The following CUBN variants were observed in gnomAD, a reference collection of about 807,000 sequenced individuals.
CUBN encodes cubilin.
Under a neutral mutation model 405.3 loss-of-function variants are expected in CUBN, and 282 were observed. That is an observed-to-expected ratio of 0.70 (90% CI 0.63 to 0.77). The LOEUF (loss-of-function observed/expected upper bound fraction) is 0.77. Ranked by LOEUF, CUBN falls within the 30% of genes least tolerant of loss-of-function variation. CUBN has a pLI of 0.00. For missense variants in CUBN, 4,514 were observed against 4,475.2 expected, an observed-to-expected ratio of 1.01 and a Z score of -0.25; for synonymous variants, 1,684 against 1,617.0, an observed-to-expected ratio of 1.04 and a Z score of -0.99.
chr10:17,125,942 C>CA (rs750359807), intron 4 of CUBN, among the ~76,000 whole-genome samples: 3 of 152,146 alleles, frequency 2.0e-5, no homozygotes, highest in African/African-American at 4.8e-5. Flanking sequence ...CATCAAATGA[C>CA]AAAAAGGTTT....
In CUBN at chr10:17,085,772, G is replaced by A. The variant is rs762686223; in HGVS notation, c.1948-13C>T. The A allele has an allele frequency of 1.9e-6, 3 of 1,613,170 alleles. No homozygotes were observed. The highest frequency in any genetic ancestry group is 1.3e-5 in the African/African-American group (1 of 75,010). The stretch of plus-strand genomic sequence containing the variant: ...GACCATCTCGAATCTAAAACAAAAG[G>A]ATGAATCATTAAGCTCAAAGTGGTC... On this transcript the variant is annotated splice_polypyrimidine_tract_variant and intron_variant, in intron 15 of 66. Coordinates refer to ENST00000377833, the MANE Select transcript of CUBN (RefSeq NM_001081.4).
In CUBN at chr10:16,884,564, G is replaced by A. The variant is rs570020288; in HGVS notation, c.8905+3853C>T. On this transcript the variant is annotated intron_variant, in intron 56 of 66. Transcript: ENST00000377833. ...TGTAGTTCATGGAATGTCTAGTACT[G>A]GAAATGTAAAAGTAATGAGAAAGTT... is the stretch of plus-strand genomic sequence containing the variant. Among the ~76,000 whole-genome samples the A allele has an allele frequency of 2.6e-5, 4 of 152,196 alleles. No individual in the cohort carries two copies. In the South Asian group the frequency reaches 8.3e-4, roughly 32 times the overall value.
rs755138050 is a variant in CUBN at position 16,915,776 on chromosome 10, A to C, written c.7210+45T>G. 7 of 1,490,442 alleles carry C rather than the reference A, an allele frequency of 4.7e-6. No homozygotes were observed. In the African/African-American group the frequency reaches 5.5e-5, roughly 12 times the overall value. The allele number at this position is 1,490,442 out of a possible 1,614,324, so 92.3% of individuals were successfully genotyped here. ...GAAACTTCAGAGGCTGAATAAGTAC[A>C]TGTGAAAATAAACACCCAAAAGAGA... is the stretch of plus-strand genomic sequence containing the variant. On this transcript the variant is annotated intron_variant, in intron 46 of 66. Coordinates refer to ENST00000377833, the MANE Select transcript of CUBN (RefSeq NM_001081.4).
At chr10:16,837,941 TG>T (rs1453745577) in intron 62 of CUBN, among the ~76,000 whole-genome samples, 1 of 152,098 alleles carries the variant, frequency 6.6e-6, no homozygotes, top group Non-Finnish European at 1.5e-5. Context: ...CCCCGCTGAG[TG>T]GTCCACCCTG....
rs1466259258 is a variant in CUBN, at chr10:16,915,860, C to T, written c.7171G>A (p.Glu2391Lys). The change falls in exon 46 of 67, where the codon GAA becomes AAA. Residue 2391 changes from glutamate to lysine, a missense_variant. Coordinates refer to ENST00000377833, the MANE Select transcript of CUBN (RefSeq NM_001081.4). ...TCCCAGATCTCCACGAAGTCTTTTT[C>T]ACAGCCAGAAGAATTCTGAAGGTTA... ...DFNLQNSSGC[E>K]KDFVEIWDNH... The T allele has an allele frequency of 4.3e-6, 7 of 1,613,816 alleles. No homozygotes were observed. In the African/African-American group the frequency reaches 9.3e-5, roughly 22 times the overall value.
Position 16,900,279 on chromosome 10 carries a change from T to C in CUBN, c.8410+346A>G, listed in dbSNP as rs868395435. Among the ~76,000 whole-genome samples, 14 of 152,258 alleles carry C rather than the reference T, an allele frequency of 9.2e-5. No homozygotes were observed. In the Middle Eastern group the frequency reaches 0.01, roughly 111 times the overall value. The stretch of plus-strand genomic sequence containing the variant: ...GATTCCAACTCATGTTTCTATTACT[T>C]GAGATTCCCAGGTTGTGCCATACCC... On this transcript the variant is annotated intron_variant, in intron 53 of 66. Transcript: ENST00000377833.
At position 17,118,499 on chromosome 10, in the gene CUBN, C is replaced by A. The variant is rs546568108; in HGVS notation, c.594-2902G>T. Among the ~76,000 whole-genome samples the A allele has an allele frequency of 2.0e-5, 3 of 152,156 alleles. No individual in the cohort carries two copies. In the East Asian group the frequency reaches 5.8e-4, roughly 29 times the overall value. ...TGTGCCCAGGCGGAGTGCAGTGGTG[C>A]GATCTCGGCTCACTGCAACATCTGC... On this transcript the variant is annotated intron_variant, in intron 6 of 66. Coordinates refer to ENST00000377833, the MANE Select transcript of CUBN (RefSeq NM_001081.4).
chr10:16,933,869 T>C (rs1417699608), intron 39 of CUBN, among the ~76,000 whole-genome samples: 1 of 152,232 alleles, frequency 6.6e-6, no homozygotes, highest in Non-Finnish European at 1.5e-5. Flanking sequence ...CTGGTGTCAC[T>C]GCCTTGCACG....
intron 31 of CUBN, among the ~76,000 whole-genome samples, chr10:16,978,395 C>T (rs1215078963): frequency 3.9e-5 from 6 of 152,190 alleles, no homozygotes; most frequent in Non-Finnish European, 5.9e-5. Context: ...TCCAAAATTT[C>T]AAAATGGTCT....
chr10:16,960,501 C>G (rs923583447), intron 31 of CUBN, among the ~76,000 whole-genome samples: 1 of 151,952 alleles, frequency 6.6e-6, no homozygotes. Context: ...CAAAACAAAA[C>G]AAACAAAAAA....
chr10:16,990,544 C>T, intron 28 of CUBN, 29 bp from the exon 29 acceptor site: 1 of 1,609,370 alleles, frequency 6.2e-7, no homozygotes, highest in South Asian at 1.1e-5. Flanking sequence ...TCAGTCAGTT[C>T]AAAGTGGGCA....
intron 31 of CUBN, among the ~76,000 whole-genome samples, chr10:16,964,016 C>T (rs1446505869): frequency 6.6e-6 from 1 of 152,164 alleles, no homozygotes; most frequent in Non-Finnish European, 1.5e-5. Context: ...GTGTCTTGAA[C>T]AGTTCATTTC....
At position 16,982,596 on chromosome 10, in the gene CUBN, C is replaced by T; in HGVS notation, c.4583G>A (p.Ser1528Asn). ...ACAGTCTGTGTTGCTCCTATAAGGA[C>T]TGGGGTAATTTGGAGAATGAATCTC... ...SGEIHSPNYPSPYRSNTDCSW... is the reference protein window; with the variant it reads ...SGEIHSPNYPNPYRSNTDCSW... Residue 1528 changes from serine (S) to asparagine (N), a missense_variant, in exon 31 of 67, where the codon AGT becomes AAT. By Grantham distance (46) the Ser-to-Asn change is conservative (BLOSUM62 1). Around this residue, in one of 5 missense-constraint regions of CUBN, gnomAD observed 1,613 missense variants for 1,542.8 expected, o/e 1.05. Coordinates refer to ENST00000377833, the MANE Select transcript of CUBN (RefSeq NM_001081.4). The T allele has an allele frequency of 6.2e-7, 1 of 1,613,676 alleles. No individual in the cohort carries two copies. The highest frequency in any genetic ancestry group is 1.6e-4 in the Middle Eastern group (1 of 6,062).
At chr10:16,892,675 G>T (rs1841069937) in intron 54 of CUBN, among the ~76,000 whole-genome samples, 1 of 151,726 alleles carries the variant, frequency 6.6e-6, no homozygotes, top group African/African-American at 2.4e-5. Context: ...GTATTTTTTT[G>T]CAGAGATGGG....
chr10:16,928,281 C>G lies in CUBN; in HGVS notation c.6147G>C (p.Gln2049His), dbSNP rs1456183412. ...TCTCTCTGCCACAGAGAACTGCTAG[C>G]TGCTGGGCCAAGTTATTATCTCCTA... is the stretch of plus-strand genomic sequence containing the variant. ...IRDGDNNLAQQLAVLCGREIP... is the reference protein window; with the variant it reads ...IRDGDNNLAQHLAVLCGREIP... The change falls in exon 41 of 67, where the codon CAG becomes CAC. Residue 2049 changes from glutamine (Q) to histidine (H), a missense_variant. Gln to His is a conservative substitution (Grantham distance 24, BLOSUM62 0). Coordinates refer to ENST00000377833, the MANE Select transcript of CUBN (RefSeq NM_001081.4). The G allele has an allele frequency of 8.7e-6, 14 of 1,613,804 alleles. No homozygotes were observed. The highest frequency in any genetic ancestry group is 1.0e-5 in the Non-Finnish European group (12 of 1,179,920).
In CUBN at chr10:16,876,877, CTG is replaced by C; in HGVS notation, c.9106+18_9106+19del. 7 of 1,606,504 alleles carry C rather than the reference CTG, an allele frequency of 4.4e-6. No homozygotes were observed. The highest frequency in any genetic ancestry group is 3.3e-4 in the Middle Eastern group (2 of 6,054). On this transcript the variant is annotated intron_variant, in intron 57 of 66. Transcript: ENST00000377833. ...TCAGAAAAGAAGAAAATTCCAAACTCTGTCATTATGGCTACTCACAGATTATC... is the reference window on the plus strand; with the variant it reads ...TCAGAAAAGAAGAAAATTCCAAACTCTCATTATGGCTACTCACAGATTATC...
At chr10:16,964,318 G>C (rs7071215) in intron 31 of CUBN, among the ~76,000 whole-genome samples, 85,832 of 152,042 alleles carry the variant, frequency 0.56, 24,805 homozygotes, top group Non-Finnish European at 0.65. Flanking sequence ...TAATAATAAA[G>C]CGTGGCTAAC....
In CUBN at chr10:16,933,289, A is replaced by G; in HGVS notation, c.5927-5T>C. The G allele has an allele frequency of 6.2e-7, 1 of 1,612,958 alleles. No homozygotes were observed. Among genetic ancestry groups the G allele is most frequent in the African/African-American group, 1.3e-5 (1 of 75,024 alleles). ...TCAGGAAGCCACCACAAGCACCTGT[A>G]GAATAGAAAGCAACATCTTTGACAC... On this transcript the variant is annotated splice_region_variant and splice_polypyrimidine_tract_variant and intron_variant, in intron 39 of 66. Coordinates refer to ENST00000377833, the MANE Select transcript of CUBN (RefSeq NM_001081.4).
intron 22 of CUBN, among the ~76,000 whole-genome samples, chr10:17,057,466 C>A (rs1835420602): frequency 1.3e-5 from 2 of 152,094 alleles, no homozygotes; most frequent in African/African-American, 4.8e-5. Context: ...GGAGCCCCAA[C>A]TCCTATTTCA....
Sources: gnomAD v4.1 joint callset for allele counts (sites outside exome capture counted in the v4.1 genomes callset) on GRCh38, gnomAD v4.1.1 for gene constraint, gnomAD v4.1.1 regional missense constraint, MANE v1.5 for transcripts, NCBI Gene and HGNC (gene_info 2026-07-23, HGNC 2026-07-21) for gene names.